The following ITPR1 variants were observed in gnomAD, a reference collection of about 807,000 sequenced individuals.
ITPR1 encodes the protein inositol 1,4,5-trisphosphate receptor type 1, also known as inositol 1,4,5-trisphosphate-gated calcium channel ITPR1.
In ITPR1, 96 loss-of-function variants were observed where a neutral mutation model predicts 318.4. The ratio of observed to expected loss-of-function variants is 0.30; its 90% CI spans 0.26 to 0.36. The LOEUF is 0.36. ITPR1 is among the 10% of genes least tolerant of loss of function. ITPR1 has a pLI of 1.00. For synonymous variants in ITPR1, 1,312 were observed against 1,289.9 expected (o/e 1.02, Z -0.37); for missense variants, 2,440 against 3,460.2 (o/e 0.71, Z 7.40).
chr3:4,813,158 G>A lies in ITPR1; in HGVS notation c.7485G>A (p.Leu2495=). ...ETAVPETGES[L]ASEFLFSDVC... is the part of the protein sequence containing the mutation. Reference sequence around the variant, plus strand: ...CTCTCCCAGAAACCGGCGAGAGTTTGGCAAGCGAGTTCCTGTTCTCCGATG... The same window carrying A: ...CTCTCCCAGAAACCGGCGAGAGTTTAGCAAGCGAGTTCCTGTTCTCCGATG... The change falls in exon 57 of 62, where the codon TTG becomes TTA. Residue 2495 remains leucine, a synonymous_variant. Coordinates refer to ENST00000649015, the MANE Select transcript of ITPR1 (RefSeq NM_001378452.1). 6.2e-7 allele frequency: 1 copy of A among 1,613,940 alleles called. No homozygotes were observed.
chr3:4,502,472 C>T (rs867191692), intron 2 of ITPR1, among the ~76,000 whole-genome samples: 77 of 150,440 alleles, frequency 5.1e-4, no homozygotes, highest in South Asian at 4.0e-3. Context: ...GAAGGAATCT[C>T]GCTCTGTCAC....
chr3:4,549,775 T>C (rs900647175), intron 4 of ITPR1, among the ~76,000 whole-genome samples: 6 of 152,110 alleles, frequency 3.9e-5, no homozygotes, highest in Admixed American at 3.9e-4. Context: ...AAGTAAGAAA[T>C]TGTCAGAATT....
chr3:4,692,418 C>T (rs1574885512), intron 32 of ITPR1, among the ~76,000 whole-genome samples: 1 of 152,176 alleles, frequency 6.6e-6, no homozygotes, highest in African/African-American at 2.4e-5. Flanking sequence ...ATTTAATCTA[C>T]ATAGCACTGT....
At chr3:4,618,067 G>T (rs72622155) in intron 4 of ITPR1, among the ~76,000 whole-genome samples, 19,218 of 151,950 alleles carry the variant, frequency 0.13, 1,840 homozygotes, top group East Asian at 0.43. Context: ...GAGGTGGGGG[G>T]TAATTAACTG....
chr3:4,570,056 G>A (rs144035219), intron 4 of ITPR1, among the ~76,000 whole-genome samples: 5 of 152,110 alleles, frequency 3.3e-5, no homozygotes, highest in African/African-American at 7.2e-5. Flanking sequence ...GGAGAATTGC[G>A]TATTTTTACA....
intron 44 of ITPR1, among the ~76,000 whole-genome samples, chr3:4,748,950 C>A (rs546953863): frequency 6.6e-6 from 1 of 152,270 alleles, no homozygotes; most frequent in African/African-American, 2.4e-5. Flanking sequence ...AAGTTGTTTT[C>A]CTCCGCGGGG....
At position 4,625,837 on chromosome 3, in the gene ITPR1, G is replaced by A. The variant is rs140075291; in HGVS notation, c.164-1926G>A. ...CTCCCAAAGTGCTGGGATTACAGGCGTGAGCCACCGCATCTGGCCCAAGTT... is the reference window on the plus strand; with the variant it reads ...CTCCCAAAGTGCTGGGATTACAGGCATGAGCCACCGCATCTGGCCCAAGTT... On this transcript the variant is annotated intron_variant, in intron 4 of 61. Coordinates refer to ENST00000649015, the MANE Select transcript of ITPR1 (RefSeq NM_001378452.1). Among the ~76,000 whole-genome samples the A allele has an allele frequency of 1.7e-3, 257 of 152,286 alleles. 2 individuals carry two copies. The highest frequency in any genetic ancestry group is 5.7e-3 in the African/African-American group (238 of 41,546).
chr3:4,592,020 C>T (rs1161943721), intron 4 of ITPR1, among the ~76,000 whole-genome samples: 3 of 152,152 alleles, frequency 2.0e-5, no homozygotes, highest in Non-Finnish European at 4.4e-5. Flanking sequence ...TGATCTTTTG[C>T]CCTTGATCCA....
Position 4,604,414 on chromosome 3 carries a change from T to A in ITPR1, c.164-23349T>A, listed in dbSNP as rs564620176. ...TCCTGAGGATGGGTCAAGGTATTTA[T>A]AAAGGTGTTAGCTGAAAAAGTTACA... On this transcript the variant is annotated intron_variant, in intron 4 of 61. Coordinates refer to ENST00000649015, the MANE Select transcript of ITPR1 (RefSeq NM_001378452.1). 4.6e-5 allele frequency among the ~76,000 whole-genome samples: 7 copies of A among 152,226 alleles called. No individual in the cohort carries two copies. The South Asian group carries it at 1.5e-3, about 32-fold the overall frequency.
chr3:4,698,982 A>C (rs2094600660), intron 34 of ITPR1, among the ~76,000 whole-genome samples: 2 of 152,160 alleles, frequency 1.3e-5, no homozygotes, highest in South Asian at 4.1e-4. Context: ...AGTTATTCTG[A>C]AATATGGCTT....
chr3:4,790,460 C>T (rs987004775), intron 52 of ITPR1, among the ~76,000 whole-genome samples: 4 of 152,314 alleles, frequency 2.6e-5, no homozygotes, highest in African/African-American at 9.6e-5. Flanking sequence ...CTGCAGTTGT[C>T]AGCTGAAAGA....
At chr3:4,727,217 GACCGTAACACCTCCATCAGCC>G (rs2042581378) in intron 42 of ITPR1, 44 bp downstream of exon 42, 1 of 1,411,388 alleles carries the variant, frequency 7.1e-7, no homozygotes, top group African/African-American at 1.4e-5. Context: ...AATGATCAAT[GACCGTAACACCTCCATCAGCC>G]ACACACTGTG....
At chr3:4,590,481 G>A (rs1186267598) in intron 4 of ITPR1, among the ~76,000 whole-genome samples, 3 of 150,784 alleles carry the variant, frequency 2.0e-5, no homozygotes, top group Admixed American at 2.0e-4. Context: ...TTCATCCCTG[G>A]TAAACGGTCA....
Position 4,662,280 on chromosome 3 carries a change from G to A in ITPR1, c.1412+38G>A, listed in dbSNP as rs376733495. On this transcript the variant is annotated intron_variant, in intron 15 of 61. Coordinates refer to ENST00000649015, the MANE Select transcript of ITPR1 (RefSeq NM_001378452.1). ...GCATGCTCAGCACAGCCGCCCTCCC[G>A]CACTGAGAGTTTCTGACATCCATGG... 171 of 1,459,404 alleles carry A rather than the reference G, an allele frequency of 1.2e-4. No homozygotes were observed. In the Middle Eastern group the frequency reaches 3.5e-3, roughly 30 times the overall value. 90.4% of individuals were successfully genotyped at this position (1,459,404 alleles called of 1,614,324 possible). A position where few individuals can be genotyped will look rare whatever the true frequency, so the allele number is the denominator to read the frequency against.
chr3:4,653,699 C>T, intron 11 of ITPR1, 143 bp from the exon 12 acceptor site: 1 of 615,796 alleles, frequency 1.6e-6, no homozygotes, highest in South Asian at 2.0e-5. Context: ...ATTGTCGTGG[C>T]ATGCTGGTTT....
intron 4 of ITPR1, among the ~76,000 whole-genome samples, chr3:4,524,301 GTTTTTTTTTT>G (rs56380229): frequency 6.8e-5 from 5 of 73,490 alleles, no homozygotes; most frequent in Admixed American, 2.0e-4. Flanking sequence ...ATACTTTGAC[GTTTTTTTTTT>G]TTTTTTTTTT....
At chr3:4,740,272 A>C (rs2043606155) in intron 44 of ITPR1, among the ~76,000 whole-genome samples, 1 of 152,176 alleles carries the variant, frequency 6.6e-6, no homozygotes, top group Non-Finnish European at 1.5e-5. Context: ...AAAGGGAGAC[A>C]CCATTGTCTC....
At chr3:4,495,688 A>G (rs938148606) in intron 2 of ITPR1, among the ~76,000 whole-genome samples, 5 of 152,238 alleles carry the variant, frequency 3.3e-5, no homozygotes, top group Non-Finnish European at 7.3e-5. Flanking sequence ...AGAGCCATGT[A>G]TCTCAGAAAC....
In ITPR1 at chr3:4,686,719, T is replaced by A. The variant is rs375794895; in HGVS notation, c.3702+1513T>A. Among the ~76,000 whole-genome samples the A allele has an allele frequency of 3.3e-5, 5 of 152,362 alleles. No homozygotes were observed. The South Asian group carries it at 8.3e-4, about 25-fold the overall frequency. ...GAGGAATCCCCCACAGGTAATCTCT[T>A]GTGACTTGATGTCTTTGGGGCTTGC... On this transcript the variant is annotated intron_variant, in intron 30 of 61. Coordinates refer to ENST00000649015, the MANE Select transcript of ITPR1 (RefSeq NM_001378452.1).
Sources: allele counts gnomAD v4.1 joint callset (sites outside exome capture counted in the v4.1 genomes callset), GRCh38; gene constraint gnomAD v4.1.1; transcripts MANE v1.5; gene names NCBI Gene and HGNC (gene_info 2026-07-23, HGNC 2026-07-21).